Variants in TMEM132E observed in about 807,000 individuals in gnomAD.
The protein encoded by TMEM132E is transmembrane protein 132E.
In TMEM132E, 49 loss-of-function variants were observed where a neutral mutation model predicts 78.5. That is an observed-to-expected ratio of 0.62 (90% CI 0.50 to 0.79). The LOEUF (loss-of-function observed/expected upper bound fraction) is 0.79. Ranked by LOEUF, TMEM132E falls within the 30% of genes least tolerant of loss-of-function variation. The pLI is 0.00. For synonymous variants in TMEM132E, 715 were observed against 670.6 expected (o/e 1.07, Z -1.02); for missense variants, 1,403 against 1,470.9 (o/e 0.95, Z 0.75).
At chr17:34,633,643 G>A (rs899752303) in intron 6 of TMEM132E, among the ~76,000 whole-genome samples, 1 of 152,250 alleles carries the variant, frequency 6.6e-6, no homozygotes, top group African/African-American at 2.4e-5. Flanking sequence ...GAGGGAAGCA[G>A]GTGGTGAGAG....
chr17:34,618,676 T>C (rs1218596526), intron 1 of TMEM132E, among the ~76,000 whole-genome samples: 2 of 152,130 alleles, frequency 1.3e-5, no homozygotes, highest in Admixed American at 1.3e-4. Flanking sequence ...CACCCTCCAC[T>C]AGGAGGGCAG....
chr17:34,616,313 G>T (rs1039296251), intron 1 of TMEM132E, among the ~76,000 whole-genome samples: 4 of 152,194 alleles, frequency 2.6e-5, no homozygotes, highest in Non-Finnish European at 2.9e-5. Flanking sequence ...GCATGGGGGT[G>T]GGGTGGATAA....
At chr17:34,588,520 T>C (rs984043059) in intron 1 of TMEM132E, among the ~76,000 whole-genome samples, 39 of 152,210 alleles carry the variant, frequency 2.6e-4, no homozygotes, top group Non-Finnish European at 2.9e-5. Flanking sequence ...TCAACAAGTA[T>C]TCAGTTAGCG....
intron 1 of TMEM132E, among the ~76,000 whole-genome samples, chr17:34,613,211 A>ACACACACACATGCGCG: frequency 1.7e-5 from 2 of 115,976 alleles, no homozygotes; most frequent in South Asian, 6.8e-4. Context: ...ACACACACAC[A>ACACACACACATGCGCG]CGCGCGCGCG....
At chr17:34,617,747 T>C (rs1166278407) in intron 1 of TMEM132E, among the ~76,000 whole-genome samples, 2 of 152,236 alleles carry the variant, frequency 1.3e-5, no homozygotes, top group African/African-American at 4.8e-5. Context: ...ACGGGCTCTT[T>C]CTTATTTTTT....
chr17:34,626,634 G>A lies in TMEM132E; in HGVS notation c.575G>A (p.Arg192Gln), dbSNP rs1465637654. 9 of 1,459,802 alleles carry A rather than the reference G, an allele frequency of 6.2e-6. No individual in the cohort carries two copies. The highest frequency in any genetic ancestry group is 2.8e-5 in the South Asian group (2 of 70,946). The allele number at this position is 1,459,802 out of a possible 1,614,324, so 90.4% of individuals were successfully genotyped here. Reference sequence around the variant, plus strand: ...GGGGGCCTGGCCACTTGTCTGGTGCGGGCAGAGCTGCCCCTGGCCTGGTTC... The same window carrying A: ...GGGGGCCTGGCCACTTGTCTGGTGCAGGCAGAGCTGCCCCTGGCCTGGTTC... ...LSGGLATCLV[R>Q]AELPLAWFGP... Residue 192 changes from arginine (R) to glutamine (Q), a missense_variant, in exon 2 of 9, where the codon CGG (arginine) becomes CAG (glutamine). Physicochemically the swap from Arg to Gln is conservative, Grantham distance 43. Around this residue, in one of 3 missense-constraint regions of TMEM132E, gnomAD observed 511 missense variants for 499.0 expected, o/e 1.02. Transcript: ENST00000631683.
chr17:34,619,642 AC>A (rs1906895639), intron 1 of TMEM132E, among the ~76,000 whole-genome samples: 1 of 148,792 alleles, frequency 6.7e-6, no homozygotes, highest in Non-Finnish European at 1.5e-5. Flanking sequence ...ATCTTCACCA[AC>A]CCTTCCTACT....
At chr17:34,615,717 A>G (rs568124204) in intron 1 of TMEM132E, among the ~76,000 whole-genome samples, 19 of 151,868 alleles carry the variant, frequency 1.3e-4, no homozygotes, top group Non-Finnish European at 2.4e-4. Context: ...GTTGAGCCCC[A>G]GTCAGAGCAC....
At chr17:34,589,364 G>T (rs568960810) in intron 1 of TMEM132E, among the ~76,000 whole-genome samples, 1 of 152,202 alleles carries the variant, frequency 6.6e-6, no homozygotes, top group East Asian at 1.9e-4. Context: ...GTGACTGGCA[G>T]GCTGAGGGAA....
In TMEM132E at chr17:34,629,139, G is replaced by C. The variant is rs760611085; in HGVS notation, c.1273G>C (p.Glu425Gln). ...TGGCCACGGCGCCCTGCCTGACCTGGAGCGGGCAGTCACTGAGCTGACGGT... is the reference window on the plus strand; with the variant it reads ...TGGCCACGGCGCCCTGCCTGACCTGCAGCGGGCAGTCACTGAGCTGACGGT... ...YRGHGALPDLERAVTELTVIQ... is the reference protein window; with the variant it reads ...YRGHGALPDLQRAVTELTVIQ... Residue 425 changes from glutamate (E) to glutamine (Q), a missense_variant, in exon 4 of 9, where the codon GAG (glutamate) becomes CAG (glutamine). This residue lies in a region of TMEM132E where 888 missense variants were observed against 952.8 expected (regional missense o/e 0.93). Transcript: ENST00000631683. 3.7e-6 allele frequency: 6 copies of C among 1,613,932 alleles called. No homozygotes were observed. Among genetic ancestry groups the C allele is most frequent in the South Asian group, 1.1e-5 (1 of 91,060 alleles).
At chr17:34,613,172 T>TACACACACACACACACACACA in intron 1 of TMEM132E, among the ~76,000 whole-genome samples, 1 of 112,606 alleles carries the variant, frequency 8.9e-6, no homozygotes, top group African/African-American at 3.0e-5. Flanking sequence ...TCTCTCTCTC[T>TACACACACACACACACACACA]CTACACACAC....
At chr17:34,613,211 A>ACGCACGCGCG (rs1906663362) in intron 1 of TMEM132E, among the ~76,000 whole-genome samples, 3 of 115,856 alleles carry the variant, frequency 2.6e-5, no homozygotes, top group Non-Finnish European at 5.5e-5. Context: ...ACACACACAC[A>ACGCACGCGCG]CGCGCGCGCG....
chr17:34,624,689 A>G (rs938083220), intron 1 of TMEM132E, among the ~76,000 whole-genome samples: 3 of 152,118 alleles, frequency 2.0e-5, no homozygotes, highest in Non-Finnish European at 4.4e-5. Context: ...GATTGGGAGG[A>G]GTCCTAGGAG....
chr17:34,627,471 T>TGTGCGTGCGCGCACGCGCGCGCGCGC (rs1555564414), intron 2 of TMEM132E, among the ~76,000 whole-genome samples: 20 of 115,556 alleles, frequency 1.7e-4, no homozygotes, highest in African/African-American at 5.6e-4. Context: ...AAGAATCGTG[T>TGTGCGTGCGCGCACGCGCGCGCGCGC]GTGTGTGTGT....
At chr17:34,624,846 CTTAT>C (rs552436824) in intron 1 of TMEM132E, among the ~76,000 whole-genome samples, 199 of 152,284 alleles carry the variant, frequency 1.3e-3, no homozygotes, top group African/African-American at 3.9e-3. Context: ...AGAGTGCTTT[CTTAT>C]TTGATTCTGA....
intron 1 of TMEM132E, among the ~76,000 whole-genome samples, chr17:34,599,922 C>G (rs1906178831): frequency 6.6e-6 from 1 of 152,026 alleles, no homozygotes; most frequent in Admixed American, 6.5e-5. Flanking sequence ...TTTTATAAGG[C>G]CCTCCAGCAT....
Position 34,588,653 on chromosome 17 carries a change from T to C in TMEM132E, c.67+7510T>C, listed in dbSNP as rs191976859. On this transcript the variant is annotated intron_variant, in intron 1 of 8. Transcript: ENST00000631683. Reference sequence around the variant, plus strand: ...GATGCACAATATACATTCTTATGTATATTGTGGGTGGGGAAGGCAGACAGT... The same window carrying C: ...GATGCACAATATACATTCTTATGTACATTGTGGGTGGGGAAGGCAGACAGT... 1.1e-3 allele frequency among the ~76,000 whole-genome samples: 171 copies of C among 152,168 alleles called. No homozygotes were observed. In the Middle Eastern group the frequency reaches 0.024, roughly 21 times the overall value.
chr17:34,607,622 T>A (rs1043483479), intron 1 of TMEM132E, among the ~76,000 whole-genome samples: 5 of 152,202 alleles, frequency 3.3e-5, no homozygotes, highest in African/African-American at 1.2e-4. Context: ...GCTACCCATT[T>A]CAGATGCCAG....
chr17:34,637,555 C>T lies in TMEM132E; in HGVS notation c.2548C>T (p.Pro850Ser). ...RGAGPPGSALPAPEAPGPGTA... is the reference protein window; with the variant it reads ...RGAGPPGSALSAPEAPGPGTA... Reference sequence around the variant, plus strand: ...AGCTGGCCCGCCGGGCTCTGCGCTACCCGCACCGGAGGCTCCAGGCCCGGG... The same window carrying T: ...AGCTGGCCCGCCGGGCTCTGCGCTATCCGCACCGGAGGCTCCAGGCCCGGG... Residue 850 changes from proline (P) to serine (S), a missense_variant, in exon 9 of 9, where the codon CCC becomes TCC. Pro to Ser is a moderately conservative substitution (Grantham distance 74). This residue lies in a region of TMEM132E where 888 missense variants were observed against 952.8 expected (regional missense o/e 0.93). Coordinates refer to ENST00000631683, the MANE Select transcript of TMEM132E (RefSeq NM_001304438.2). 6.3e-7 allele frequency: 1 copy of T among 1,599,698 alleles called. No individual in the cohort carries two copies. Among genetic ancestry groups the T allele is most frequent in the Non-Finnish European group, 8.5e-7 (1 of 1,175,440 alleles).
Sources: gnomAD v4.1 joint callset for allele counts (sites outside exome capture counted in the v4.1 genomes callset) on GRCh38, gnomAD v4.1.1 for gene constraint, gnomAD v4.1.1 regional missense constraint, MANE v1.5 for transcripts, NCBI Gene and HGNC (gene_info 2026-07-23, HGNC 2026-07-21) for gene names.